Variants in PCDHGB6 observed in about 807,000 individuals in gnomAD.
PCDHGB6 encodes protocadherin gamma subfamily B, 6, also known as protocadherin gamma-B6.
A neutral mutation model predicts 59.1 loss-of-function variants in PCDHGB6; 51 were observed. That is an observed-to-expected ratio of 0.86 (90% CI 0.69 to 1.09). PCDHGB6 has a LOEUF of 1.09. PCDHGB6 is among the 50% of genes least tolerant of loss of function. The pLI is 0.00. For missense variants in PCDHGB6, 1,148 were observed against 1,205.1 expected, an observed-to-expected ratio of 0.95 and a Z score of 0.70; for synonymous variants, 466 against 495.1, an observed-to-expected ratio of 0.94 and a Z score of 0.78.
intron 1 of PCDHGB6, chr5:141,419,278 A>G: frequency 6.2e-7 from 1 of 1,614,038 alleles, no homozygotes; most frequent in Non-Finnish European, 8.5e-7. Context: ...CCATAGCGCA[A>G]GTCAGTGCCT....
chr5:141,488,690 G>A (rs1292736219), intron 1 of PCDHGB6, among the ~76,000 whole-genome samples: 1 of 152,186 alleles, frequency 6.6e-6, no homozygotes, highest in African/African-American at 2.4e-5. Flanking sequence ...TCTCCCAGAA[G>A]GACAAGATTT....
chr5:141,438,591 C>CATAT (rs946798767), intron 1 of PCDHGB6, among the ~76,000 whole-genome samples: 211 of 75,392 alleles, frequency 2.8e-3, no homozygotes, highest in Non-Finnish European at 4.1e-3. Context: ...TACATACATA[C>CATAT]ATATATATAT....
intron 2 of PCDHGB6, among the ~76,000 whole-genome samples, chr5:141,503,393 G>A (rs954734829): frequency 2.0e-5 from 3 of 151,824 alleles, no homozygotes; most frequent in African/African-American, 4.8e-5. Flanking sequence ...TCAGGAGTTC[G>A]AAACCAACCT....
Position 141,511,508 on chromosome 5 carries a change from C to T in PCDHGB6, c.*335C>T, listed in dbSNP as rs1339517659. 7.8e-6 allele frequency: 3 copies of T among 385,970 alleles called. No individual in the cohort carries two copies. Among genetic ancestry groups the T allele is most frequent in the Non-Finnish European group, 1.5e-5 (3 of 206,164 alleles). The allele number at this position is 385,970 out of a possible 1,614,324, so 23.9% of individuals were successfully genotyped here. Reference sequence around the variant, plus strand: ...TCCTCCATCTTCCAAATCAATCAGGCCCATCCATCCCATGCCTCCCTCCTC... The same window carrying T: ...TCCTCCATCTTCCAAATCAATCAGGTCCATCCATCCCATGCCTCCCTCCTC... On this transcript the variant is annotated 3_prime_UTR_variant, in exon 4 of 4. Coordinates refer to ENST00000520790, the MANE Select transcript of PCDHGB6 (RefSeq NM_018926.3).
chr5:141,477,157 C>G lies in PCDHGB6; in HGVS notation c.2419-17650C>G. ...TGGTGGAGGTTGTGGATGTGAATGA[C>G]AACGCCCCGGAGATCACAGTCACCT... is the stretch of plus-strand genomic sequence containing the variant. On this transcript the variant is annotated intron_variant, in intron 1 of 3. Transcript: ENST00000520790. This position sits in a 1 kb window ranked among gnomAD's most constrained non-coding sequence, Gnocchi z 4.9. 1 of 1,614,182 alleles carries G rather than the reference C, an allele frequency of 6.2e-7. No individual in the cohort carries two copies. Among genetic ancestry groups the G allele is most frequent in the Non-Finnish European group, 8.5e-7 (1 of 1,180,038 alleles).
At chr5:141,502,880 T>TTTTTTTTTTG (rs2099816747) in intron 2 of PCDHGB6, among the ~76,000 whole-genome samples, 1 of 151,000 alleles carries the variant, frequency 6.6e-6, no homozygotes, top group African/African-American at 2.4e-5. Context: ...TTTTTTTTTT[T>TTTTTTTTTTG]GACAGGGAGT....
intron 1 of PCDHGB6, among the ~76,000 whole-genome samples, chr5:141,454,628 A>C (rs1008375225): frequency 1.3e-4 from 19 of 151,334 alleles, no homozygotes; most frequent in African/African-American, 4.4e-4. Context: ...CTGGTCTCGA[A>C]CCCCCAACCT....
chr5:141,421,834 CGA>C lies in PCDHGB6; in HGVS notation c.2418+11219_2418+11220del, dbSNP rs763631483. The C allele has an allele frequency of 2.1e-5, 34 of 1,613,630 alleles. No homozygotes were observed. The Admixed American group carries it at 5.5e-4, about 26-fold the overall frequency. ...GCTAGTACTGGAGGGAAGCCTGGAC[CGA>C]GAGAAAGAGGCTGCTCACCTGCTCC... On this transcript the variant is annotated intron_variant, in intron 1 of 3. Transcript: ENST00000520790.
chr5:141,460,614 G>A (rs10058360), intron 1 of PCDHGB6, among the ~76,000 whole-genome samples: 42,418 of 151,914 alleles, frequency 0.28, 6,648 homozygotes, highest in African/African-American at 0.43. Flanking sequence ...TAGATGGATA[G>A]ATAGACAGAT....
chr5:141,426,297 G>T (rs1056504791), intron 1 of PCDHGB6: 3 of 171,478 alleles, frequency 1.7e-5, no homozygotes, highest in African/African-American at 7.1e-5. Context: ...TGGGAAACAG[G>T]GTGAAGCAGA....
In PCDHGB6 at chr5:141,491,169, G is replaced by A. The variant is rs374498014; in HGVS notation, c.2419-3638G>A. The A allele has an allele frequency of 1.2e-6, 2 of 1,614,192 alleles. No homozygotes were observed. Among genetic ancestry groups the A allele is most frequent in the African/African-American group, 1.3e-5 (1 of 75,058 alleles). On this transcript the variant is annotated intron_variant, in intron 1 of 3. Transcript: ENST00000520790. The surrounding 1 kb of genome is among the most constrained non-coding windows in gnomAD (Gnocchi z 6.9). ...TGGAGGATGACTCTGACACCCAGCA[G>A]GTGGTGGTCCTGGTGAGGGACAATG...
chr5:141,470,842 CA>C (rs1300821457), intron 1 of PCDHGB6, among the ~76,000 whole-genome samples: 2 of 152,044 alleles, frequency 1.3e-5, no homozygotes, highest in African/African-American at 4.8e-5. Flanking sequence ...CACACGCCAC[CA>C]TGCTCAGATA....
intron 1 of PCDHGB6, chr5:141,423,302 T>G (rs1221185261): frequency 6.2e-7 from 1 of 1,614,144 alleles, no homozygotes. Context: ...GACCTCTCGC[T>G]GTACTTGGTG....
At chr5:141,495,278 C>A (rs2099760057) in intron 2 of PCDHGB6, among the ~76,000 whole-genome samples, 1 of 152,174 alleles carries the variant, frequency 6.6e-6, no homozygotes, top group Non-Finnish European at 1.5e-5. Context: ...CCGGAGGAGG[C>A]GGTCCGCACT....
intron 1 of PCDHGB6, among the ~76,000 whole-genome samples, chr5:141,445,441 C>T (rs1201825256): frequency 6.6e-6 from 1 of 152,152 alleles, no homozygotes; most frequent in Admixed American, 6.6e-5. Context: ...GACCTATGGA[C>T]TAAGGATGCA....
At chr5:141,423,150 G>T in intron 1 of PCDHGB6, 1 of 1,613,538 alleles carries the variant, frequency 6.2e-7, no homozygotes, top group Non-Finnish European at 8.5e-7. Flanking sequence ...CGCTCAAGCA[G>T]AGCCTCGTGG....
At chr5:141,481,472 A>G (rs2099538174) in intron 1 of PCDHGB6, among the ~76,000 whole-genome samples, 1 of 152,246 alleles carries the variant, frequency 6.6e-6, no homozygotes, top group Non-Finnish European at 1.5e-5. Context: ...CCATTGGATT[A>G]TACACTTTAA....
At position 141,431,294 on chromosome 5, in the gene PCDHGB6, T is replaced by C; in HGVS notation, c.2418+20674T>C. 1.9e-6 allele frequency: 3 copies of C among 1,614,096 alleles called. No individual in the cohort carries two copies. Among genetic ancestry groups the C allele is most frequent in the Non-Finnish European group, 2.5e-6 (3 of 1,180,026 alleles). ...CGAGCTCAGCCCGAACACTCACTTC[T>C]CCCTCATCGTGCAAAATGGAGCCGA... On this transcript the variant is annotated intron_variant, in intron 1 of 3. Transcript: ENST00000520790. The surrounding 1 kb of genome is among the most constrained non-coding windows in gnomAD (Gnocchi z 4.8).
intron 2 of PCDHGB6, among the ~76,000 whole-genome samples, chr5:141,498,601 G>A (rs2099784606): frequency 6.6e-6 from 1 of 152,126 alleles, no homozygotes; most frequent in African/African-American, 2.4e-5. Flanking sequence ...CTTGGTTCAA[G>A]TTCAAGTCAG....
Sources: gnomAD v4.1 joint callset for allele counts (sites outside exome capture counted in the v4.1 genomes callset) on GRCh38, gnomAD v4.1.1 for gene constraint, Gnocchi (gnomAD v3.1) non-coding constraint, MANE v1.5 for transcripts, NCBI Gene and HGNC (gene_info 2026-07-23, HGNC 2026-07-21) for gene names.